PHACTR4: variants seen among roughly 807,000 people sequenced by gnomAD.
PHACTR4 encodes phosphatase and actin regulator 4, also known as protein phosphatase 1, regulatory subunit 124.
A neutral mutation model predicts 72.7 loss-of-function variants in PHACTR4; 51 were observed. The ratio of observed to expected loss-of-function variants is 0.70; its 90% confidence interval spans 0.56 to 0.89. The LOEUF is 0.89. Ranked by LOEUF, PHACTR4 falls within the 40% of genes least tolerant of loss-of-function variation. The probability of loss-of-function intolerance (pLI) is 0.00; values close to 1 mark genes in which losing one functional copy is unlikely to be tolerated. For synonymous variants in PHACTR4, 255 were observed against 302.5 expected (o/e 0.84, Z 1.63); for missense variants, 731 against 861.8 (o/e 0.85, Z 1.90).
At chr1:28,465,545 G>T in intron 4 of PHACTR4, 140 bp from the exon 5 acceptor site, 3 of 814,902 alleles carry the variant, frequency 3.7e-6, no homozygotes, top group Non-Finnish European at 5.7e-6. Context: ...GAGCCCAGGA[G>T]TTCAAGACCA....
intron 2 of PHACTR4, among the ~76,000 whole-genome samples, chr1:28,451,001 T>TTTTTTTTTTTTTTTTTTTTA (rs1267977520): frequency 6.8e-6 from 1 of 148,146 alleles, no homozygotes; most frequent in African/African-American, 2.5e-5. Flanking sequence ...TTTTGTATTT[T>TTTTTTTTTTTTTTTTTTTTA]TAGTAGAAAC....
intron 13 of PHACTR4, among the ~76,000 whole-genome samples, chr1:28,496,283 C>T (rs1332926689): frequency 2.0e-5 from 3 of 151,508 alleles, no homozygotes; most frequent in African/African-American, 7.3e-5. Context: ...GTCTCAATCT[C>T]CTGACCTCTT....
chr1:28,458,557 C>T (rs767603135), intron 2 of PHACTR4, among the ~76,000 whole-genome samples: 1 of 152,102 alleles, frequency 6.6e-6, no homozygotes. Flanking sequence ...GCTTCTGCCC[C>T]GCAACCCTGA....
chr1:28,483,523 C>T (rs1471585448), intron 9 of PHACTR4, among the ~76,000 whole-genome samples: 4 of 151,110 alleles, frequency 2.6e-5, no homozygotes, highest in East Asian at 2.0e-4. Context: ...AAATCATGGC[C>T]GGACGCGGTG....
chr1:28,442,269 C>T (rs891246793), intron 2 of PHACTR4, among the ~76,000 whole-genome samples: 7 of 151,674 alleles, frequency 4.6e-5, no homozygotes, highest in East Asian at 2.0e-4. Context: ...GATGAGACAA[C>T]CCTGGCCAAC....
intron 2 of PHACTR4, among the ~76,000 whole-genome samples, chr1:28,455,519 A>G (rs924973268): frequency 6.6e-6 from 1 of 151,938 alleles, no homozygotes; most frequent in African/African-American, 2.4e-5. Context: ...TTCTTCAACA[A>G]AGAAGCAGCC....
chr1:28,489,043 T>G lies in PHACTR4; in HGVS notation c.1761-127T>G, dbSNP rs187146626. The G allele has an allele frequency of 3.3e-4, 196 of 597,096 alleles. No homozygotes were observed. The African/African-American group carries it at 3.4e-3, about 10-fold the overall frequency. 37.0% of individuals were successfully genotyped at this position (597,096 alleles called of 1,614,324 possible). ...TAAACAATCATAAATAAATGAAATA[T>G]ATCAGTTTGAAAATTTGTTGATTTC... is the stretch of plus-strand genomic sequence containing the variant. On this transcript the variant is annotated intron_variant, in intron 9 of 13. Transcript: ENST00000373839.
intron 8 of PHACTR4, among the ~76,000 whole-genome samples, chr1:28,477,791 A>G (rs1048507435): frequency 1.1e-4 from 17 of 151,968 alleles, no homozygotes; most frequent in South Asian, 8.3e-4. Flanking sequence ...GGCTCAAGCA[A>G]TGCTCCAACC....
At chr1:28,426,485 A>G (rs1655855822) in intron 2 of PHACTR4, among the ~76,000 whole-genome samples, 2 of 151,698 alleles carry the variant, frequency 1.3e-5, no homozygotes, top group East Asian at 2.0e-4. Flanking sequence ...GTGAAACCCC[A>G]TCTCTACTAA....
chr1:28,453,801 C>T (rs1040982363), intron 2 of PHACTR4: 1 of 894,082 alleles, frequency 1.1e-6, no homozygotes, highest in African/African-American at 1.6e-5. Context: ...TGCGTCCTGA[C>T]AAAAATCATG....
At chr1:28,471,521 CT>C (rs71675377) in intron 6 of PHACTR4, among the ~76,000 whole-genome samples, 306 of 142,978 alleles carry the variant, frequency 2.1e-3, no homozygotes, top group Admixed American at 2.0e-3. Flanking sequence ...AAAAGAACTA[CT>C]TTTTTTTTTT....
At chr1:28,490,455 C>T (rs559828509) in intron 10 of PHACTR4, among the ~76,000 whole-genome samples, 10 of 149,436 alleles carry the variant, frequency 6.7e-5, no homozygotes, top group Admixed American at 6.0e-4. Flanking sequence ...TGGCGTGAAC[C>T]CGGGAAGCGG....
chr1:28,479,218 C>G (rs868478877), intron 8 of PHACTR4, among the ~76,000 whole-genome samples: 2 of 151,542 alleles, frequency 1.3e-5, no homozygotes, highest in African/African-American at 4.9e-5. Flanking sequence ...GTCAGGAGTT[C>G]GAGATCAGCC....
intron 1 of PHACTR4, among the ~76,000 whole-genome samples, chr1:28,405,988 T>G (rs1654298918): frequency 1.3e-5 from 2 of 152,198 alleles, no homozygotes; most frequent in African/African-American, 2.4e-5. Context: ...TATTTCACTT[T>G]ATGCCTCAAT....
At chr1:28,467,571 C>T (rs74064854) in intron 6 of PHACTR4, among the ~76,000 whole-genome samples, 15,831 of 152,126 alleles carry the variant, frequency 0.1, 1,906 homozygotes, top group African/African-American at 0.3. Flanking sequence ...ACTACCTATG[C>T]CTTCCATAAG....
In PHACTR4 at chr1:28,496,888, G is replaced by T. The variant is rs571370146; in HGVS notation, c.*339G>T. 2.0e-5 allele frequency: 8 copies of T among 406,868 alleles called. No individual in the cohort carries two copies. The East Asian group carries it at 4.2e-4, about 21-fold the overall frequency. 25.2% of individuals were successfully genotyped at this position (406,868 alleles called of 1,614,324 possible). A position where few individuals can be genotyped will look rare whatever the true frequency, so the allele number is the denominator to read the frequency against. On this transcript the variant is annotated 3_prime_UTR_variant, in exon 14 of 14. Coordinates refer to ENST00000373839, the MANE Select transcript of PHACTR4 (RefSeq NM_001048183.3). ...CTTCCCCTAGATGACTGCCTGTGCA[G>T]AGACACAGTTTGCACCATTAGCCTT...
Position 28,460,221 on chromosome 1 carries a change from G to GCATAGATA in PHACTR4, c.200_201insCATAGATA (p.Lys68IlefsTer39). On this transcript the variant is annotated frameshift_variant, in exon 4 of 14. Coordinates refer to ENST00000373839, the MANE Select transcript of PHACTR4 (RefSeq NM_001048183.3). LOFTEE classifies it high-confidence loss of function. ...TCCAATTTAATGTTAGTTTTAGAAC[G>GCATAGATA]GAAAATATCTATGCGAAAGCCAAGA... is the stretch of plus-strand genomic sequence containing the variant. The GCATAGATA allele has an allele frequency of 6.2e-7, 1 of 1,612,692 alleles. No homozygotes were observed. The highest frequency in any genetic ancestry group is 1.1e-5 in the South Asian group (1 of 90,880).
chr1:28,443,405 C>G (rs1273369459), intron 2 of PHACTR4, among the ~76,000 whole-genome samples: 1 of 152,082 alleles, frequency 6.6e-6, no homozygotes, highest in Non-Finnish European at 1.5e-5. Flanking sequence ...CCTCAGCCTC[C>G]CGAGTAGCTG....
At chr1:28,485,612 C>T (rs1208382829) in intron 9 of PHACTR4, among the ~76,000 whole-genome samples, 2 of 145,470 alleles carry the variant, frequency 1.4e-5, no homozygotes, top group Non-Finnish European at 3.0e-5. Flanking sequence ...ATAGTTAATA[C>T]TGTATTGGCC....
Sources: allele counts gnomAD v4.1 joint callset (sites outside exome capture counted in the v4.1 genomes callset), GRCh38; gene constraint gnomAD v4.1.1; transcripts MANE v1.5; gene names NCBI Gene and HGNC (gene_info 2026-07-23, HGNC 2026-07-21).